RBFOX1: variants seen among roughly 807,000 people sequenced by gnomAD.
RBFOX1 encodes the protein RNA binding fox-1 homolog 1, also known as RNA binding protein fox-1 homolog 1.
Under a neutral mutation model 57.7 loss-of-function variants are expected in RBFOX1, and 8 were observed. The observed-to-expected ratio is 0.14, with a 90% CI of 0.08 to 0.25. RBFOX1 has a LOEUF of 0.25. Among genes scored for constraint, RBFOX1 ranks in the 10% least tolerant of loss-of-function variants. RBFOX1 has a pLI of 1.00. For synonymous variants in RBFOX1, 326 were observed against 222.4 expected (o/e 1.47, Z -4.15); for missense variants, 611 against 548.5 (o/e 1.11, Z -1.14).
At chr16:5,926,460 G>A (rs1295810186) in intron 4 of RBFOX1, among the ~76,000 whole-genome samples, 1 of 152,162 alleles carries the variant, frequency 6.6e-6, no homozygotes, top group East Asian at 1.9e-4. Context: ...CAGGGCAGGA[G>A]TTAGGGATGC....
intron 2 of RBFOX1, among the ~76,000 whole-genome samples, chr16:6,349,415 G>A (rs1206037403): frequency 2.0e-5 from 3 of 152,098 alleles, no homozygotes; most frequent in African/African-American, 4.8e-5. Context: ...AAAAATCATC[G>A]AGATACGAAT....
intron 4 of RBFOX1, among the ~76,000 whole-genome samples, chr16:6,001,983 T>C (rs75503663): frequency 6.6e-6 from 1 of 150,400 alleles, no homozygotes; most frequent in Non-Finnish European, 1.5e-5. Flanking sequence ...TTTTTTTTTT[T>C]TGAGACTGGG....
At chr16:7,108,311 C>G (rs1022400124) in intron 4 of RBFOX1, among the ~76,000 whole-genome samples, 1 of 150,758 alleles carries the variant, frequency 6.6e-6, no homozygotes, top group African/African-American at 2.4e-5. Context: ...CATTAACAAA[C>G]AAGAACTTCT....
intron 3 of RBFOX1, among the ~76,000 whole-genome samples, chr16:5,818,890 C>T (rs1232370640): frequency 6.6e-6 from 1 of 152,170 alleles, no homozygotes; most frequent in African/African-American, 2.4e-5. Context: ...AATGGTTCCT[C>T]CACCCACCAA....
chr16:6,038,209 A>G (rs2095392126), intron 1 of RBFOX1: 1 of 148,384 alleles, frequency 6.7e-6, no homozygotes, highest in Admixed American at 6.7e-5. Flanking sequence ...ATGGCATCTA[A>G]CTCACCCTGT....
At chr16:7,088,594 C>G (rs55863640) in intron 4 of RBFOX1, among the ~76,000 whole-genome samples, 4 of 151,332 alleles carry the variant, frequency 2.6e-5, no homozygotes, top group Admixed American at 2.6e-4. Flanking sequence ...AGTGGTAACC[C>G]GTAGTTATGA....
chr16:7,558,311 G>C (rs1050214805), intron 5 of RBFOX1, among the ~76,000 whole-genome samples: 2 of 152,028 alleles, frequency 1.3e-5, no homozygotes, highest in Non-Finnish European at 2.9e-5. Context: ...CCATGATTGT[G>C]CCATTGCACT....
At chr16:7,426,093 T>G (rs1226790505) in intron 4 of RBFOX1, among the ~76,000 whole-genome samples, 1 of 152,194 alleles carries the variant, frequency 6.6e-6, no homozygotes, top group Non-Finnish European at 1.5e-5. Context: ...AAGGGAGTAA[T>G]CATTTTAATA....
chr16:6,046,054 G>A (rs1596655344), intron 1 of RBFOX1, among the ~76,000 whole-genome samples: 1 of 152,216 alleles, frequency 6.6e-6, no homozygotes, highest in African/African-American at 2.4e-5. Context: ...GCTTTTCTAA[G>A]CACCATAGGA....
At chr16:6,863,725 C>CGTTTTTTTT (rs2059412015) in intron 3 of RBFOX1, among the ~76,000 whole-genome samples, 1 of 67,768 alleles carries the variant, frequency 1.5e-5, no homozygotes. Flanking sequence ...GATGCCTGCG[C>CGTTTTTTTT]TTTTTTTTTT....
intron 2 of RBFOX1, among the ~76,000 whole-genome samples, chr16:5,557,035 G>A (rs867011717): frequency 7.9e-5 from 12 of 152,094 alleles, no homozygotes; most frequent in African/African-American, 1.9e-4. Context: ...TGAGGCAGGC[G>A]GATCATGAGG....
chr16:7,448,220 G>C (rs117114337), intron 4 of RBFOX1, among the ~76,000 whole-genome samples: 2,911 of 152,290 alleles, frequency 0.019, 40 homozygotes, highest in Middle Eastern at 0.044. Flanking sequence ...TCTTAGTTCT[G>C]GAAGTTGGAA....
intron 4 of RBFOX1, among the ~76,000 whole-genome samples, chr16:7,239,706 C>G (rs1045792823): frequency 9.9e-5 from 15 of 152,136 alleles, no homozygotes; most frequent in Admixed American, 1.3e-4. Flanking sequence ...GGTCTTTGAT[C>G]TAGGCAGTTA....
chr16:7,012,495 A>G (rs927033449), intron 3 of RBFOX1, among the ~76,000 whole-genome samples: 3 of 152,214 alleles, frequency 2.0e-5, no homozygotes, highest in African/African-American at 4.8e-5. Flanking sequence ...AGCCATGTTA[A>G]TAACTGCCTG....
intron 3 of RBFOX1, among the ~76,000 whole-genome samples, chr16:5,748,121 T>C (rs2053057153): frequency 6.6e-6 from 1 of 152,344 alleles, no homozygotes; most frequent in African/African-American, 2.4e-5. Context: ...TCTGCCTTCA[T>C]TTCGTTATGT....
intron 1 of RBFOX1, among the ~76,000 whole-genome samples, chr16:6,275,894 T>C (rs979266917): frequency 6.6e-6 from 1 of 152,306 alleles, no homozygotes; most frequent in Middle Eastern, 3.4e-3. Flanking sequence ...ATTTACCAAA[T>C]AACCCTAATA....
At chr16:5,383,256 A>T (rs993299415) in intron 1 of RBFOX1, among the ~76,000 whole-genome samples, 15 of 152,092 alleles carry the variant, frequency 9.9e-5, no homozygotes, top group Middle Eastern at 6.3e-3. Flanking sequence ...AAATTCATGA[A>T]TGTATAAGTG....
chr16:7,197,996 T>C (rs1210246256), intron 4 of RBFOX1, among the ~76,000 whole-genome samples: 1 of 104,740 alleles, frequency 9.5e-6, no homozygotes, highest in African/African-American at 4.0e-5. Flanking sequence ...TTTTCTTTCT[T>C]TCTTTTTTTT....
At chr16:7,322,794 A>C (rs8043861) in intron 4 of RBFOX1, among the ~76,000 whole-genome samples, 5 of 152,180 alleles carry the variant, frequency 3.3e-5, no homozygotes, top group Non-Finnish European at 4.4e-5. Context: ...GCTTCACAAA[A>C]AAAGGGCAAC....
Sources: allele counts gnomAD v4.1 joint callset (sites outside exome capture counted in the v4.1 genomes callset), GRCh38; gene constraint gnomAD v4.1.1; transcripts MANE v1.5; gene names NCBI Gene and HGNC (gene_info 2026-07-23, HGNC 2026-07-21).